The following ARGLU1 variants were observed in gnomAD, a reference collection of about 807,000 sequenced individuals.
The protein encoded by ARGLU1 is arginine and glutamate rich 1.
In ARGLU1, 9 loss-of-function variants were observed where a neutral mutation model predicts 37.6. The ratio of observed to expected loss-of-function variants is 0.24; its 90% confidence interval spans 0.14 to 0.42. ARGLU1 has a LOEUF of 0.42. Among genes scored for constraint, ARGLU1 ranks in the 10% least tolerant of loss-of-function variants. The pLI is 1.00. For missense variants in ARGLU1, 211 were observed against 359.2 expected (o/e 0.59, Z 3.34); for synonymous variants, 166 against 138.5 (o/e 1.20, Z -1.39).
Position 106,565,165 on chromosome 13 carries a change from G to A in ARGLU1, c.347+2408C>T, listed in dbSNP as rs74990664. ...TTCCCGTTTCTAGGATGCAATCCAA[G>A]CTCTTTAATATGACATACAATAACC... On this transcript the variant is annotated intron_variant, in intron 1 of 3. Coordinates refer to ENST00000400198, the MANE Select transcript of ARGLU1 (RefSeq NM_018011.4). Among the ~76,000 whole-genome samples, 537 of 152,242 alleles carry A rather than the reference G, an allele frequency of 3.5e-3. 4 individuals carry two copies. Among genetic ancestry groups the A allele is most frequent in the African/African-American group, 0.013 (521 of 41,530 alleles).
chr13:106,567,825 C>T lies in ARGLU1; in HGVS notation c.95G>A (p.Arg32Gln). Residue 32 changes from arginine to glutamine, a missense_variant, in exon 1 of 4, where the codon CGG becomes CAG. By Grantham distance (43) the Arg-to-Gln change is conservative. Coordinates refer to ENST00000400198, the MANE Select transcript of ARGLU1 (RefSeq NM_018011.4). This position sits in a 1 kb window ranked among gnomAD's most constrained non-coding sequence, Gnocchi z 4.3. ...KKRSRSRSRS[R>Q]DKERVRKRSK... ...ACGCTTCCGCACGCGCTCCTTGTCCCGGGATCGCGACCGGGACCGGCTGCG... is the reference window on the plus strand; with the variant it reads ...ACGCTTCCGCACGCGCTCCTTGTCCTGGGATCGCGACCGGGACCGGCTGCG... 6.2e-7 allele frequency: 1 copy of T among 1,613,618 alleles called. No homozygotes were observed. Among genetic ancestry groups the T allele is most frequent in the East Asian group, 2.2e-5 (1 of 44,806 alleles).
chr13:106,565,674 T>C (rs1188260622), intron 1 of ARGLU1, among the ~76,000 whole-genome samples: 1 of 152,234 alleles, frequency 6.6e-6, no homozygotes, highest in Admixed American at 6.5e-5. Context: ...CTTTCCATTG[T>C]TTCTTTTGCA....
Position 106,568,020 on chromosome 13 carries a change from G to A in ARGLU1, c.-101C>T. ...CGGGCTGGCGGTTCTACCGAGGCCG[G>A]AGGAAAGAAAGGTGTCGGCCAACGG... is the stretch of plus-strand genomic sequence containing the variant. On this transcript the variant is annotated 5_prime_UTR_variant, in exon 1 of 4. Coordinates refer to ENST00000400198, the MANE Select transcript of ARGLU1 (RefSeq NM_018011.4). The A allele has an allele frequency of 6.8e-7, 1 of 1,463,818 alleles. No homozygotes were observed. Among genetic ancestry groups the A allele is most frequent in the Non-Finnish European group, 9.0e-7 (1 of 1,116,074 alleles). 90.7% of individuals were successfully genotyped at this position (1,463,818 alleles called of 1,614,324 possible). A position where few individuals can be genotyped will look rare whatever the true frequency, so the allele number is the denominator to read the frequency against.
At chr13:106,556,895 G>C (rs1880673436) in intron 3 of ARGLU1, among the ~76,000 whole-genome samples, 153 bp downstream of exon 3, 1 of 152,208 alleles carries the variant, frequency 6.6e-6, no homozygotes, top group East Asian at 1.9e-4. Context: ...AATCTCAATT[G>C]TTCCTATCCT....
intron 1 of ARGLU1, among the ~76,000 whole-genome samples, chr13:106,564,305 A>G (rs548632452): frequency 6.6e-6 from 1 of 152,320 alleles, no homozygotes; most frequent in Admixed American, 6.5e-5. Flanking sequence ...CATGCCAAGT[A>G]TCACCTACTT....
At chr13:106,547,440 G>T (rs911627754) in intron 3 of ARGLU1, among the ~76,000 whole-genome samples, 1 of 151,878 alleles carries the variant, frequency 6.6e-6, no homozygotes. Context: ...TTTATAGAAA[G>T]AAAAGAATGT....
rs975603162 is a variant in ARGLU1 at position 106,557,458 on chromosome 13, T to C, written c.574-327A>G. Reference sequence around the variant, plus strand: ...TATTTACCAAATTAAAAAAATAATATATAAAATATAAATAAAGTGAATATT... The same window carrying C: ...TATTTACCAAATTAAAAAAATAATACATAAAATATAAATAAAGTGAATATT... On this transcript the variant is annotated intron_variant, in intron 2 of 3. Transcript: ENST00000400198. This position sits in a 1 kb window ranked among gnomAD's most constrained non-coding sequence, Gnocchi z 5.0. The C allele has an allele frequency of 9.9e-6, 9 of 905,770 alleles. No individual in the cohort carries two copies. Among genetic ancestry groups the C allele is most frequent in the Middle Eastern group, 3.8e-4 (1 of 2,654 alleles). 56.1% of individuals were successfully genotyped at this position (905,770 alleles called of 1,614,324 possible). A position where few individuals can be genotyped will look rare whatever the true frequency, so the allele number is the denominator to read the frequency against.
In ARGLU1 at chr13:106,543,556, C is replaced by A. The variant is rs1250800500; in HGVS notation, c.*440G>T. The A allele has an allele frequency of 6.5e-6, 1 of 153,416 alleles. No homozygotes were observed. Among genetic ancestry groups the A allele is most frequent in the Non-Finnish European group, 1.5e-5 (1 of 68,730 alleles). 9.5% of individuals were successfully genotyped at this position (153,416 alleles called of 1,614,324 possible). On this transcript the variant is annotated 3_prime_UTR_variant, in exon 4 of 4. Transcript: ENST00000400198. ...AATACACCACATAGGTCCAGTAATA[C>A]CCTGGGAATTTCCCAATGCAATCAC...
intron 1 of ARGLU1, among the ~76,000 whole-genome samples, chr13:106,562,923 G>A (rs1880851861): frequency 7.3e-6 from 1 of 136,116 alleles, no homozygotes; most frequent in Non-Finnish European, 1.5e-5. Context: ...TGAGGCAGGA[G>A]AATGAGCTGA....
chr13:106,563,483 C>T (rs1446533370), intron 1 of ARGLU1, among the ~76,000 whole-genome samples: 1 of 151,954 alleles, frequency 6.6e-6, no homozygotes, highest in African/African-American at 2.4e-5. Context: ...AAGACAAGCA[C>T]ACAGATTTAA....
In ARGLU1 at chr13:106,567,347, C is replaced by T. The variant is rs1242741760; in HGVS notation, c.347+226G>A. On this transcript the variant is annotated intron_variant, in intron 1 of 3. Transcript: ENST00000400198. This position sits in a 1 kb window ranked among gnomAD's most constrained non-coding sequence, Gnocchi z 4.3. ...CTTAAACCCTTTCTGCTCAAGCCCT[C>T]GAATTTTCCATCCCGAACAACTTCT... 2.0e-5 allele frequency among the ~76,000 whole-genome samples: 3 copies of T among 152,080 alleles called. No homozygotes were observed. The highest frequency in any genetic ancestry group is 4.4e-5 in the Non-Finnish European group (3 of 68,024).
chr13:106,554,420 T>G (rs559456639), intron 3 of ARGLU1, among the ~76,000 whole-genome samples: 20 of 152,166 alleles, frequency 1.3e-4, no homozygotes, highest in African/African-American at 4.3e-4. Context: ...TAAACATACA[T>G]AAAGATTAAA....
intron 1 of ARGLU1, among the ~76,000 whole-genome samples, chr13:106,561,424 TACACACACACACAC>T (rs59373729): frequency 8.1e-4 from 120 of 147,964 alleles, no homozygotes; most frequent in African/African-American, 2.3e-3. Flanking sequence ...TAATAAAGTG[TACACACACACACAC>T]ACACACACAC....
chr13:106,567,971 T>TC lies in ARGLU1; in HGVS notation c.-53dup. On this transcript the variant is annotated 5_prime_UTR_variant, in exon 1 of 4. Transcript: ENST00000400198. This position sits in a 1 kb window ranked among gnomAD's most constrained non-coding sequence, Gnocchi z 4.3. Reference sequence around the variant, plus strand: ...GCCTCAGGCCCCTCACGCGGCCAGTTCCCCTCGCCTCCGCCTTCGGACGCG... The same window carrying TC: ...GCCTCAGGCCCCTCACGCGGCCAGTTCCCCCTCGCCTCCGCCTTCGGACGCG... The TC allele has an allele frequency of 1.3e-6, 2 of 1,529,832 alleles. No homozygotes were observed. The highest frequency in any genetic ancestry group is 2.9e-5 in the African/African-American group (2 of 70,098). The allele number at this position is 1,529,832 out of a possible 1,614,324, so 94.8% of individuals were successfully genotyped here.
intron 3 of ARGLU1, among the ~76,000 whole-genome samples, chr13:106,556,580 G>A (rs1272029094): frequency 2.6e-5 from 4 of 151,376 alleles, no homozygotes; most frequent in East Asian, 1.9e-4. Flanking sequence ...TATAATTACC[G>A]AAGACTCTGT....
chr13:106,547,190 C>T (rs1186961539), intron 3 of ARGLU1, among the ~76,000 whole-genome samples: 1 of 152,162 alleles, frequency 6.6e-6, no homozygotes, highest in Non-Finnish European at 1.5e-5. Context: ...GGCTTCCCGG[C>T]TTCCAGAACC....
In ARGLU1 at chr13:106,542,954, G is replaced by A. The variant is rs1189626418; in HGVS notation, c.*1042C>T. 6.6e-6 allele frequency: 1 copy of A among 151,872 alleles called. No individual in the cohort carries two copies. The highest frequency in any genetic ancestry group is 1.5e-5 in the Non-Finnish European group (1 of 67,928). 9.4% of individuals were successfully genotyped at this position (151,872 alleles called of 1,614,324 possible). A position where few individuals can be genotyped will look rare whatever the true frequency, so the allele number is the denominator to read the frequency against. On this transcript the variant is annotated 3_prime_UTR_variant, in exon 4 of 4. Coordinates refer to ENST00000400198, the MANE Select transcript of ARGLU1 (RefSeq NM_018011.4). ...GACAGTATAAAGCTAAGTTCTTTCTGATGGCCCACTCTGAAAACGATCTCA... is the reference window on the plus strand; with the variant it reads ...GACAGTATAAAGCTAAGTTCTTTCTAATGGCCCACTCTGAAAACGATCTCA...
intron 2 of ARGLU1, chr13:106,558,931 A>T (rs1304879931): frequency 1.0e-6 from 1 of 985,324 alleles, no homozygotes; most frequent in African/African-American, 1.7e-5. Context: ...GAGGGATAAA[A>T]GAAGGAAAAA....
At chr13:106,550,402 C>T (rs373150400) in intron 3 of ARGLU1, among the ~76,000 whole-genome samples, 34 of 152,276 alleles carry the variant, frequency 2.2e-4, no homozygotes, top group Middle Eastern at 3.4e-3. Context: ...ATAAGGTCTT[C>T]AACCAGCTTT....
Sources: allele counts gnomAD v4.1 joint callset (sites outside exome capture counted in the v4.1 genomes callset), GRCh38; gene constraint gnomAD v4.1.1; non-coding constraint Gnocchi (gnomAD v3.1); transcripts MANE v1.5; gene names NCBI Gene and HGNC (gene_info 2026-07-23, HGNC 2026-07-21).